Variants in MITF observed in about 807,000 individuals in gnomAD.
MITF encodes the protein melanocyte inducing transcription factor.
MITF carries 17 observed loss-of-function variants against 60.5 expected under a neutral mutation model. The ratio of observed to expected loss-of-function variants is 0.28; its 90% CI spans 0.19 to 0.42. MITF has a LOEUF of 0.42. MITF is among the 10% of genes least tolerant of loss of function. MITF has a pLI of 1.00. For synonymous variants in MITF, 260 were observed against 248.5 expected, an observed-to-expected ratio of 1.05 and a Z score of -0.43; for missense variants, 622 against 683.5, an observed-to-expected ratio of 0.91 and a Z score of 1.00.
intron 1 of MITF, chr3:69,763,893 C>T: frequency 7.3e-7 from 1 of 1,378,650 alleles, no homozygotes; most frequent in Non-Finnish European, 9.7e-7. Flanking sequence ...TATTTTCTCT[C>T]TCTGTGAAAA....
chr3:69,789,159 C>A (rs2106907266), intron 1 of MITF, among the ~76,000 whole-genome samples: 1 of 152,156 alleles, frequency 6.6e-6, no homozygotes, highest in African/African-American at 2.4e-5. Context: ...AACTTAAAAT[C>A]TTTTGTGCAT....
Position 69,865,079 on chromosome 3 carries a change from TG to T in MITF, c.105-14054del, listed in dbSNP as rs201736924. Among the ~76,000 whole-genome samples, 16 of 152,054 alleles carry T rather than the reference TG, an allele frequency of 1.1e-4. No individual in the cohort carries two copies. The East Asian group carries it at 2.3e-3, about 22-fold the overall frequency. Reference sequence around the variant, plus strand: ...CAGTTGGTGTTCCATAAATATTTATTGAACAAAAGAAAGAAAGAATGAATAA... The same window carrying T: ...CAGTTGGTGTTCCATAAATATTTATTAACAAAAGAAAGAAAGAATGAATAA... On this transcript the variant is annotated intron_variant, in intron 1 of 9. Coordinates refer to ENST00000352241, the MANE Select transcript of MITF (RefSeq NM_001354604.2).
At chr3:69,931,219 C>T (rs910232981) in intron 2 of MITF, among the ~76,000 whole-genome samples, 1 of 152,184 alleles carries the variant, frequency 6.6e-6, no homozygotes, top group Non-Finnish European at 1.5e-5. Flanking sequence ...TATTTTAAAA[C>T]ATCGTGCTAT....
chr3:69,922,948 T>A (rs1182637987), intron 2 of MITF, among the ~76,000 whole-genome samples: 2 of 152,334 alleles, frequency 1.3e-5, no homozygotes, highest in African/African-American at 4.8e-5. Context: ...CCTGTCCTTG[T>A]TGACCCGTTG....
At chr3:69,772,282 A>G (rs1413004921) in intron 1 of MITF, among the ~76,000 whole-genome samples, 2 of 152,056 alleles carry the variant, frequency 1.3e-5, no homozygotes, top group South Asian at 4.2e-4. Context: ...CTTCCTTTAT[A>G]TATCTGTCAT....
At chr3:69,817,347 A>G (rs2063197256) in intron 1 of MITF, among the ~76,000 whole-genome samples, 1 of 152,200 alleles carries the variant, frequency 6.6e-6, no homozygotes, top group Admixed American at 6.6e-5. Context: ...ATTTGAGTGG[A>G]TCAAATCTTA....
intron 1 of MITF, among the ~76,000 whole-genome samples, chr3:69,840,880 C>T (rs944968167): frequency 2.6e-5 from 4 of 151,916 alleles, no homozygotes; most frequent in East Asian, 3.9e-4. Flanking sequence ...CTCACCCTTC[C>T]GAGTAACTGG....
chr3:69,951,615 A>G (rs2107518648), intron 6 of MITF, among the ~76,000 whole-genome samples, 197 bp from the exon 7 acceptor site: 1 of 152,060 alleles, frequency 6.6e-6, no homozygotes, highest in Non-Finnish European at 1.5e-5. Flanking sequence ...GTTTTTACAT[A>G]TTGTATATAT....
At position 69,817,318 on chromosome 3, in the gene MITF, A is replaced by G. The variant is rs115846538; in HGVS notation, c.105-61816A>G. 6.7e-3 allele frequency among the ~76,000 whole-genome samples: 1,025 copies of G among 152,236 alleles called. 8 individuals carry two copies. The highest frequency in any genetic ancestry group is 0.023 in the African/African-American group (966 of 41,552). On this transcript the variant is annotated intron_variant, in intron 1 of 9. Transcript: ENST00000352241. ...CCTTTTTCCAGAGTCAGTCTGTGCT[A>G]TAAGTCTAATCTGTTAACATTTGAG...
chr3:69,784,182 G>T (rs914348585), intron 1 of MITF, among the ~76,000 whole-genome samples: 2 of 151,982 alleles, frequency 1.3e-5, no homozygotes, highest in African/African-American at 2.4e-5. Flanking sequence ...TGTTGTTGTT[G>T]TTGTTGTTGT....
intron 1 of MITF, among the ~76,000 whole-genome samples, chr3:69,840,555 C>T (rs1235782034): frequency 6.6e-6 from 1 of 151,988 alleles, no homozygotes; most frequent in African/African-American, 2.4e-5. Context: ...ATTCTTTAAC[C>T]TCCATAATGA....
chr3:69,879,225 G>C lies in MITF; in HGVS notation c.196G>C (p.Glu66Gln), dbSNP rs776447224. 6.2e-7 allele frequency: 1 copy of C among 1,614,208 alleles called. No individual in the cohort carries two copies. Among genetic ancestry groups the C allele is most frequent in the South Asian group, 1.1e-5 (1 of 91,076 alleles). Residue 66 changes from glutamate (E) to glutamine (Q), a missense_variant, in exon 2 of 10, where the codon GAG becomes CAG. By Grantham distance (29) the Glu-to-Gln change is conservative. Coordinates refer to ENST00000352241, the MANE Select transcript of MITF (RefSeq NM_001354604.2). Reference protein sequence around the residue: ...RILLRQQLMREQMQEQERREQ... With the variant: ...RILLRQQLMRQQMQEQERREQ... ...CTTGCTACGCCAGCAACTCATGCGTGAGCAGATGCAGGAGCAGGAGCGCAG... is the reference window on the plus strand; with the variant it reads ...CTTGCTACGCCAGCAACTCATGCGTCAGCAGATGCAGGAGCAGGAGCGCAG...
Position 69,938,047 on chromosome 3 carries a change from G to A in MITF, c.580G>A (p.Glu194Lys), listed in dbSNP as rs764022326. The change falls in exon 3 of 10, where the codon GAG (glutamate) becomes AAG (lysine). Residue 194 changes from glutamate (E) to lysine (K), a missense_variant and splice_region_variant. Physicochemically the swap from Glu to Lys is moderately conservative, Grantham distance 56. This residue lies in a region of MITF where 215 missense variants were observed against 224.8 expected (regional missense o/e 0.96). Transcript: ENST00000352241. Reference protein sequence around the residue: ...MLTLNSNCEKEGFYKFEEQNR... With the variant: ...MLTLNSNCEKKGFYKFEEQNR... ...TACGCTTAACTCCAACTGTGAAAAAGAGGTAATTCATGTCTCCTCTCCTCT... is the reference window on the plus strand; with the variant it reads ...TACGCTTAACTCCAACTGTGAAAAAAAGGTAATTCATGTCTCCTCTCCTCT... The A allele has an allele frequency of 6.2e-6, 10 of 1,613,806 alleles. No homozygotes were observed. The highest frequency in any genetic ancestry group is 2.7e-5 in the African/African-American group (2 of 74,956).
chr3:69,906,143 T>A (rs904855614), intron 2 of MITF, among the ~76,000 whole-genome samples: 5 of 152,206 alleles, frequency 3.3e-5, no homozygotes, highest in African/African-American at 1.2e-4. Flanking sequence ...ATATAAGTTA[T>A]AAAACATGAA....
intron 2 of MITF, among the ~76,000 whole-genome samples, chr3:69,906,215 A>C (rs959836983): frequency 2.0e-5 from 3 of 152,132 alleles, no homozygotes; most frequent in South Asian, 2.1e-4. Context: ...TGAAAAAACT[A>C]TCCTTTTTCC....
rs149785270 is a variant in MITF at position 69,928,407 on chromosome 3, A to G, written c.355-9415A>G. On this transcript the variant is annotated intron_variant, in intron 2 of 9. Transcript: ENST00000352241. ...TTCTATCAGATTTGGAACCTTGTTC[A>G]GGGATATGAAGTGTGAATGGGTAAG... Among the ~76,000 whole-genome samples the G allele has an allele frequency of 3.9e-5, 6 of 152,296 alleles. No homozygotes were observed. In the East Asian group the frequency reaches 1.2e-3, roughly 29 times the overall value.
At chr3:69,817,660 G>GA (rs1324329559) in intron 1 of MITF, among the ~76,000 whole-genome samples, 15 of 151,686 alleles carry the variant, frequency 9.9e-5, no homozygotes, top group South Asian at 2.1e-4. Flanking sequence ...TATTATTTCT[G>GA]AAAAAAAATG....
intron 1 of MITF, among the ~76,000 whole-genome samples, chr3:69,794,439 C>T (rs949112762): frequency 6.6e-6 from 1 of 152,130 alleles, no homozygotes; most frequent in Non-Finnish European, 1.5e-5. Flanking sequence ...AAATAGATGA[C>T]TGTAAAGATG....
chr3:69,823,466 C>G (rs1281512587), intron 1 of MITF, among the ~76,000 whole-genome samples: 2 of 152,126 alleles, frequency 1.3e-5, no homozygotes, highest in African/African-American at 2.4e-5. Context: ...AAGAAGCTCT[C>G]TGGTGTCTCT....
Sources: allele counts gnomAD v4.1 joint callset (sites outside exome capture counted in the v4.1 genomes callset), GRCh38; gene constraint gnomAD v4.1.1; regional missense constraint gnomAD v4.1.1; transcripts MANE v1.5; gene names NCBI Gene and HGNC (gene_info 2026-07-23, HGNC 2026-07-21).